The following LRRC31 variants were observed in gnomAD, a reference collection of about 807,000 sequenced individuals.
LRRC31 encodes the protein leucine-rich repeat-containing protein 31.
A neutral mutation model predicts 46.7 loss-of-function variants in LRRC31; 35 were observed. The ratio of observed to expected loss-of-function variants is 0.75; its 90% confidence interval spans 0.57 to 0.99. The LOEUF (loss-of-function observed/expected upper bound fraction) is 0.99, where lower values mean the gene tolerates loss of function less well. Among genes scored for constraint, LRRC31 ranks in the 50% least tolerant of loss-of-function variants. The probability of loss-of-function intolerance (pLI) is 0.00; values close to 1 mark genes in which losing one functional copy is unlikely to be tolerated. For synonymous variants in LRRC31, 236 were observed against 235.1 expected, an observed-to-expected ratio of 1.00 and a Z score of -0.03; for missense variants, 613 against 626.1, an observed-to-expected ratio of 0.98 and a Z score of 0.22.
intron 3 of LRRC31, among the ~76,000 whole-genome samples, chr3:169,857,514 G>A (rs908192264): frequency 1.3e-5 from 2 of 148,312 alleles, no homozygotes; most frequent in East Asian, 2.1e-4. Context: ...TATAACAGCC[G>A]TGCTGCCTTA....
intron 7 of LRRC31, among the ~76,000 whole-genome samples, chr3:169,849,042 A>G (rs1159811946): frequency 6.6e-6 from 1 of 152,260 alleles, no homozygotes; most frequent in African/African-American, 2.4e-5. Context: ...AGGCAAGGAA[A>G]GTAACTAATG....
At chr3:169,868,324 CT>C (rs1396095901) in intron 1 of LRRC31, among the ~76,000 whole-genome samples, 1 of 151,904 alleles carries the variant, frequency 6.6e-6, no homozygotes, top group African/African-American at 2.4e-5. Flanking sequence ...AAGTGGCTCG[CT>C]TTATTCATTC....
At chr3:169,849,197 T>C (rs1780686372) in intron 7 of LRRC31, among the ~76,000 whole-genome samples, 1 of 152,180 alleles carries the variant, frequency 6.6e-6, no homozygotes, top group Admixed American at 6.5e-5. Flanking sequence ...AATAATGTGT[T>C]CAAGGGGAAA....
intron 1 of LRRC31, among the ~76,000 whole-genome samples, chr3:169,862,626 T>C (rs1436694229): frequency 6.6e-6 from 1 of 151,940 alleles, no homozygotes; most frequent in Non-Finnish European, 1.5e-5. Context: ...CCGGGCGTGG[T>C]GGTGCACACC....
intron 2 of LRRC31, 117 bp from the exon 3 acceptor site, chr3:169,860,845 G>T: frequency 1.9e-6 from 2 of 1,048,070 alleles, no homozygotes; most frequent in Non-Finnish European, 2.7e-6. Context: ...AATAGACAGT[G>T]GTAGGCACGC....
In LRRC31 at chr3:169,846,579, C is replaced by T. The variant is rs9863098; in HGVS notation, c.1327+1541G>A. 6.9e-3 allele frequency among the ~76,000 whole-genome samples: 1,046 copies of T among 151,736 alleles called. 16 individuals carry two copies. The highest frequency in any genetic ancestry group is 0.024 in the African/African-American group (998 of 41,440). ...AGGAGAATCTGTTGAACATGGCAGG[C>T]GGAGGTTGCAGTGAGCCAAGATCAT... On this transcript the variant is annotated intron_variant, in intron 8 of 8. Transcript: ENST00000316428.
chr3:169,860,700 C>T lies in LRRC31; in HGVS notation c.348G>A (p.Leu116=). 1 of 1,613,948 alleles carries T rather than the reference C, an allele frequency of 6.2e-7. No homozygotes were observed. The highest frequency in any genetic ancestry group is 8.5e-7 in the Non-Finnish European group (1 of 1,179,950). The part of the protein sequence containing the change: ...MVALLPFLPD[L]EELDISWNGF... ...CATTCCAGGAGATATCCAGTTCTTC[C>T]AAGTCTGGGAGAAAAGGCAGCAAGG... Residue 116 remains leucine, a synonymous_variant, in exon 3 of 9, where the codon TTG becomes TTA. Transcript: ENST00000316428.
rs372571528 is a variant in LRRC31 at position 169,869,608 on chromosome 3, A to G, written c.175+25T>C. 2.9e-5 allele frequency: 45 copies of G among 1,546,962 alleles called. No homozygotes were observed. The African/African-American group carries it at 5.7e-4, about 20-fold the overall frequency. On this transcript the variant is annotated intron_variant, in intron 1 of 8. Coordinates refer to ENST00000316428, the MANE Select transcript of LRRC31 (RefSeq NM_024727.4). ...TAAAAACAAAACAAATACAACAGCA[A>G]AAACACCAGCAGCCAGCAGCTTACC...
chr3:169,858,577 C>T (rs1419049932), intron 3 of LRRC31, among the ~76,000 whole-genome samples: 1 of 152,196 alleles, frequency 6.6e-6, no homozygotes, highest in East Asian at 1.9e-4. Flanking sequence ...ACCAGGCATG[C>T]AGTAGGCACT....
intron 1 of LRRC31, among the ~76,000 whole-genome samples, chr3:169,869,001 A>G (rs912080528): frequency 2.0e-5 from 3 of 152,092 alleles, no homozygotes; most frequent in African/African-American, 7.2e-5. Flanking sequence ...GACTATATTT[A>G]TCCTTTGTTT....
At position 169,859,774 on chromosome 3, in the gene LRRC31, T is replaced by C. The variant is rs548962620; in HGVS notation, c.487+787A>G. Among the ~76,000 whole-genome samples, 33 of 152,316 alleles carry C rather than the reference T, an allele frequency of 2.2e-4. No individual in the cohort carries two copies. The South Asian group carries it at 5.8e-3, about 27-fold the overall frequency. On this transcript the variant is annotated intron_variant, in intron 3 of 8. Coordinates refer to ENST00000316428, the MANE Select transcript of LRRC31 (RefSeq NM_024727.4). Reference sequence around the variant, plus strand: ...TGGAATTGTAAAAGAACTTAATTCTTGTCTACTCTAACTCCTCTATTTTAC... The same window carrying C: ...TGGAATTGTAAAAGAACTTAATTCTCGTCTACTCTAACTCCTCTATTTTAC...
chr3:169,861,081 T>C (rs1781137297), intron 2 of LRRC31, among the ~76,000 whole-genome samples: 1 of 150,250 alleles, frequency 6.7e-6, no homozygotes. Context: ...TTTTTTTTTT[T>C]TTTTTTTCAG....
chr3:169,868,736 A>G (rs1781404824), intron 1 of LRRC31, among the ~76,000 whole-genome samples: 1 of 152,234 alleles, frequency 6.6e-6, no homozygotes, highest in Non-Finnish European at 1.5e-5. Context: ...TTAAAAGTAA[A>G]ATTATGAATC....
At chr3:169,860,523 C>T (rs557668167) in intron 3 of LRRC31, 38 bp downstream of exon 3, 23 of 1,609,592 alleles carry the variant, frequency 1.4e-5, no homozygotes, top group Non-Finnish European at 1.9e-5. Flanking sequence ...CCACGGCGCC[C>T]GGCCGAATCC....
At chr3:169,842,591 TC>T (rs1343138896) in intron 8 of LRRC31, among the ~76,000 whole-genome samples, 1 of 152,188 alleles carries the variant, frequency 6.6e-6, no homozygotes, top group African/African-American at 2.4e-5. Flanking sequence ...CCTCAGGTGA[TC>T]CACCTGCCTT....
intron 3 of LRRC31, among the ~76,000 whole-genome samples, chr3:169,858,290 C>T (rs576317883): frequency 6.6e-6 from 1 of 152,252 alleles, no homozygotes; most frequent in Non-Finnish European, 1.5e-5. Flanking sequence ...TGCAGACTCC[C>T]TCCTCAACCA....
intron 5 of LRRC31, 141 bp from the exon 6 acceptor site, chr3:169,855,121 C>G (rs550689945): frequency 1.6e-6 from 1 of 622,458 alleles, no homozygotes; most frequent in Non-Finnish European, 2.7e-6. Flanking sequence ...TGAGATCCAT[C>G]TCTTAAAAAA....
intron 8 of LRRC31, among the ~76,000 whole-genome samples, chr3:169,844,730 G>C (rs1252514566): frequency 1.3e-5 from 2 of 152,202 alleles, no homozygotes; most frequent in East Asian, 1.9e-4. Context: ...TCAGGAGATC[G>C]AGACTATCCT....
chr3:169,860,762 T>G (rs772941200), intron 2 of LRRC31, 34 bp from the exon 3 acceptor site: 1 of 1,594,352 alleles, frequency 6.3e-7, no homozygotes, highest in South Asian at 1.1e-5. Context: ...CAGATATGTG[T>G]ATGTGACTTG....
Sources: allele counts gnomAD v4.1 joint callset (sites outside exome capture counted in the v4.1 genomes callset), GRCh38; gene constraint gnomAD v4.1.1; transcripts MANE v1.5; gene names NCBI Gene and HGNC (gene_info 2026-07-23, HGNC 2026-07-21).